The following CAMK2B variants were observed in gnomAD, a reference collection of about 807,000 sequenced individuals.
The protein encoded by CAMK2B is calcium/calmodulin dependent protein kinase II beta, also known as calcium/calmodulin-dependent protein kinase type II subunit beta.
Under a neutral mutation model 93.7 loss-of-function variants are expected in CAMK2B, and 27 were observed. That is an observed-to-expected ratio of 0.29 (90% CI 0.21 to 0.40). The LOEUF (loss-of-function observed/expected upper bound fraction) is 0.40. Among genes scored for constraint, CAMK2B ranks in the 10% least tolerant of loss-of-function variants. The pLI is 1.00. For missense variants in CAMK2B, 568 were observed against 895.8 expected, an observed-to-expected ratio of 0.63 and a Z score of 4.67; for synonymous variants, 374 against 358.8, an observed-to-expected ratio of 1.04 and a Z score of -0.48.
intron 1 of CAMK2B, among the ~76,000 whole-genome samples, chr7:44,310,585 T>C (rs1205546779): frequency 2.6e-5 from 4 of 152,132 alleles, no homozygotes; most frequent in South Asian, 2.1e-4. Flanking sequence ...CGTCTGTCAA[T>C]AGATGAGCAA....
chr7:44,229,154 G>C (rs938188600), intron 18 of CAMK2B: 2 of 626,502 alleles, frequency 3.2e-6, no homozygotes, highest in African/African-American at 3.7e-5. Flanking sequence ...AGCCTCCAGG[G>C]CCTCCCATCC....
rs979686853 is a variant in CAMK2B at position 44,311,681 on chromosome 7, T to C, written c.65+13676A>G. Among the ~76,000 whole-genome samples, 44 of 152,300 alleles carry C rather than the reference T, an allele frequency of 2.9e-4. 1 individual carries two copies. Among genetic ancestry groups the C allele is most frequent in the African/African-American group, 1.0e-3 (43 of 41,560 alleles). On this transcript the variant is annotated intron_variant, in intron 1 of 23. Coordinates refer to ENST00000395749, the MANE Select transcript of CAMK2B (RefSeq NM_001220.5). The surrounding 1 kb of genome is among the most constrained non-coding windows in gnomAD (Gnocchi z 4.2). ...ACAGCCTGGCTCTGCGGTTCTGAGC[T>C]GTGTCATCCTTCACACAGGACCCCC...
chr7:44,272,041 C>T (rs766268383), intron 2 of CAMK2B, among the ~76,000 whole-genome samples: 1 of 152,178 alleles, frequency 6.6e-6, no homozygotes, highest in African/African-American at 2.4e-5. Context: ...AGCTGGACCC[C>T]GTCACAGGAG....
chr7:44,293,046 T>G (rs987563529), intron 1 of CAMK2B, among the ~76,000 whole-genome samples: 1 of 150,896 alleles, frequency 6.6e-6, no homozygotes, highest in Non-Finnish European at 1.5e-5. Flanking sequence ...CTCAGCAGAG[T>G]GGTGTGGCTG....
intron 4 of CAMK2B, 84 bp downstream of exon 4, chr7:44,258,787 TC>T: frequency 8.1e-7 from 1 of 1,236,300 alleles, no homozygotes. Context: ...TAGGGACTAT[TC>T]CCTGGGGCTG....
chr7:44,220,275 C>T lies in CAMK2B; in HGVS notation c.1788G>A (p.Lys596=). The stretch of plus-strand genomic sequence containing the variant: ...GGTTCAGGATGGTCGTGTGGATCGG[C>T]TTGCTGTTCTTGGCCAGCACTGTGG... ...YFENLLAKNS[K]PIHTTILNPH... Residue 596 remains lysine, a synonymous_variant, in exon 23 of 24, where the codon AAG becomes AAA. Transcript: ENST00000395749. 1 of 1,612,636 alleles carries T rather than the reference C, an allele frequency of 6.2e-7. No individual in the cohort carries two copies. Among genetic ancestry groups the T allele is most frequent in the South Asian group, 1.1e-5 (1 of 90,988 alleles).
At position 44,234,657 on chromosome 7, in the gene CAMK2B, CTTG is replaced by C. The variant is rs2096609300; in HGVS notation, c.1038_1040del (p.Asn346del). On this transcript the variant is annotated inframe_deletion, in exon 14 of 24. Coordinates refer to ENST00000395749, the MANE Select transcript of CAMK2B (RefSeq NM_001220.5). ...GCCTCACCTTGACTCCATCTGCTTT[CTTG>C]TTGAGTAAACTCTTGGCTGCTGCAT... The C allele has an allele frequency of 6.2e-7, 1 of 1,614,118 alleles. No homozygotes were observed. Among genetic ancestry groups the C allele is most frequent in the Non-Finnish European group, 8.5e-7 (1 of 1,179,966 alleles).
At chr7:44,300,751 T>C (rs941394968) in intron 1 of CAMK2B, among the ~76,000 whole-genome samples, 3 of 152,148 alleles carry the variant, frequency 2.0e-5, no homozygotes, top group African/African-American at 7.2e-5. Context: ...AAGGACATGA[T>C]TGAACTCAAC....
chr7:44,243,628 C>A, intron 6 of CAMK2B, 101 bp from the exon 7 acceptor site: 1 of 897,376 alleles, frequency 1.1e-6, no homozygotes, highest in Non-Finnish European at 1.8e-6. Context: ...CAGTGGTTTG[C>A]AAGAGACAGG....
In CAMK2B at chr7:44,284,103, G is replaced by A. The variant is rs960664854; in HGVS notation, c.160+28C>T. ...AAGCCCCTGCCCCAGCCTGACAGCA[G>A]CTGCGCAGGACACTCCCCATGCCCT... is the stretch of plus-strand genomic sequence containing the variant. On this transcript the variant is annotated intron_variant, in intron 2 of 23. Coordinates refer to ENST00000395749, the MANE Select transcript of CAMK2B (RefSeq NM_001220.5). The A allele has an allele frequency of 2.6e-6, 4 of 1,535,578 alleles. No homozygotes were observed. The African/African-American group carries it at 4.1e-5, about 16-fold the overall frequency.
At chr7:44,240,139 C>T (rs960358714) in intron 12 of CAMK2B, among the ~76,000 whole-genome samples, 2 of 48,356 alleles carry the variant, frequency 4.1e-5, no homozygotes, top group African/African-American at 9.8e-5. Context: ...GGCTCCACTC[C>T]GGGGCTAACA....
intron 1 of CAMK2B, among the ~76,000 whole-genome samples, chr7:44,297,755 G>T (rs1788686124): frequency 6.6e-6 from 1 of 152,116 alleles, no homozygotes; most frequent in African/African-American, 2.4e-5. Flanking sequence ...AATCTCCAGG[G>T]ACAAAAAAAT....
At chr7:44,229,538 G>A (rs538670443) in intron 17 of CAMK2B, 37 bp from the exon 18 acceptor site, 14 of 1,091,522 alleles carry the variant, frequency 1.3e-5, no homozygotes, top group African/African-American at 1.2e-4. Flanking sequence ...GGTGGGTGGT[G>A]CGCCCGCAGG....
chr7:44,317,591 A>G (rs148846799), intron 1 of CAMK2B, among the ~76,000 whole-genome samples: 63 of 152,252 alleles, frequency 4.1e-4, no homozygotes, highest in African/African-American at 1.3e-3. Context: ...CCTCTGAATG[A>G]TATTTTGGAT....
chr7:44,222,775 G>A (rs1333371216), intron 20 of CAMK2B, among the ~76,000 whole-genome samples: 3 of 152,206 alleles, frequency 2.0e-5, no homozygotes, highest in African/African-American at 7.2e-5. Flanking sequence ...GCCTGGTGGT[G>A]GGGTTGCCTT....
At chr7:44,309,408 G>A (rs1792857297) in intron 1 of CAMK2B, among the ~76,000 whole-genome samples, 1 of 152,152 alleles carries the variant, frequency 6.6e-6, no homozygotes, top group African/African-American at 2.4e-5. Flanking sequence ...AGCAGGAGCA[G>A]GAGGGCTGGG....
At chr7:44,228,518 C>T (rs976630458) in intron 19 of CAMK2B, among the ~76,000 whole-genome samples, 16 of 152,176 alleles carry the variant, frequency 1.1e-4, no homozygotes, top group Admixed American at 1.3e-4. Context: ...AGGGCTGGGA[C>T]AGACATTTTG....
Position 44,221,032 on chromosome 7 carries a change from A to G in CAMK2B, c.1598-131T>C, listed in dbSNP as rs2096397213. On this transcript the variant is annotated intron_variant, in intron 20 of 23. Transcript: ENST00000395749. The stretch of plus-strand genomic sequence containing the variant: ...CCGTGTTCCTGCCGCTATTTGCAGA[A>G]GAGGTCCTCTCCGCCGCCCCCCCTG... The G allele has an allele frequency of 1.1e-5, 8 of 704,820 alleles. No homozygotes were observed. The East Asian group carries it at 2.2e-4, about 19-fold the overall frequency. 43.7% of individuals were successfully genotyped at this position (704,820 alleles called of 1,614,324 possible). A position where few individuals can be genotyped will look rare whatever the true frequency, so the allele number is the denominator to read the frequency against.
intron 19 of CAMK2B, 72 bp from the exon 20 acceptor site, chr7:44,226,716 A>C (rs1320118224): frequency 1.6e-6 from 2 of 1,216,922 alleles, no homozygotes; most frequent in East Asian, 1.0e-4. Flanking sequence ...CCATGGGCAG[A>C]CAGCCAAGCC....
Sources: gnomAD v4.1 joint callset for allele counts (sites outside exome capture counted in the v4.1 genomes callset) on GRCh38, gnomAD v4.1.1 for gene constraint, Gnocchi (gnomAD v3.1) non-coding constraint, MANE v1.5 for transcripts, NCBI Gene and HGNC (gene_info 2026-07-23, HGNC 2026-07-21) for gene names.